RBFOX1: variants seen among roughly 807,000 people sequenced by gnomAD.
RBFOX1 encodes the protein RNA binding protein fox-1 homolog 1.
RBFOX1 carries 8 observed loss-of-function variants against 57.7 expected under a neutral mutation model. That is an observed-to-expected ratio of 0.14 (90% CI 0.08 to 0.25). The LOEUF (loss-of-function observed/expected upper bound fraction) is 0.25. Among genes scored for constraint, RBFOX1 ranks in the 10% least tolerant of loss-of-function variants. The probability of loss-of-function intolerance (pLI) is 1.00; values close to 1 mark genes in which losing one functional copy is unlikely to be tolerated. For synonymous variants in RBFOX1, 326 were observed against 222.4 expected (o/e 1.47, Z -4.15); for missense variants, 611 against 548.5 (o/e 1.11, Z -1.14).
chr16:5,666,513 T>C (rs965015902), intron 3 of RBFOX1, among the ~76,000 whole-genome samples: 1 of 152,150 alleles, frequency 6.6e-6, no homozygotes, highest in Non-Finnish European at 1.5e-5. Flanking sequence ...ACAGACCAAA[T>C]AGGTTCCTTT....
chr16:6,638,470 A>C (rs2098462007), intron 2 of RBFOX1, among the ~76,000 whole-genome samples: 1 of 152,156 alleles, frequency 6.6e-6, no homozygotes, highest in Non-Finnish European at 1.5e-5. Flanking sequence ...ACGCATTGAG[A>C]CTTACACATT....
intron 1 of RBFOX1, among the ~76,000 whole-genome samples, chr16:6,222,829 C>T (rs2097385128): frequency 1.3e-5 from 2 of 151,780 alleles, no homozygotes; most frequent in Non-Finnish European, 2.9e-5. Flanking sequence ...TTAGGTATAT[C>T]TCCTAATGCT....
chr16:5,454,905 TC>T lies in RBFOX1; in HGVS notation c.220-12310del, dbSNP rs1567535249. On this transcript the variant is annotated intron_variant, in intron 1 of 2. Transcript: ENST00000585867. ...TTCTTTCTTTCTTTCTTTCTTTCTT[TC>T]TTTCTTTCCTTTGTTTCTTTCTTCC... Among the ~76,000 whole-genome samples, 92 of 129,482 alleles carry T rather than the reference TC, an allele frequency of 7.1e-4. 4 individuals are homozygous for T. Among genetic ancestry groups the T allele is most frequent in the Non-Finnish European group, 9.6e-4 (57 of 59,314 alleles). 84.9% of individuals were successfully genotyped at this position (129,482 alleles called of 152,430 possible).
intron 4 of RBFOX1, among the ~76,000 whole-genome samples, chr16:7,414,581 AAC>A (rs977820752): frequency 6.6e-6 from 1 of 152,144 alleles, no homozygotes; most frequent in African/African-American, 2.4e-5. Flanking sequence ...CCATATCCCA[AAC>A]ACAATGTTTT....
chr16:6,996,113 C>T (rs1363091330), intron 3 of RBFOX1, among the ~76,000 whole-genome samples: 1 of 152,162 alleles, frequency 6.6e-6, no homozygotes, highest in East Asian at 1.9e-4. Flanking sequence ...GTTTTCATGT[C>T]AAGAACATTT....
chr16:7,328,392 C>G (rs2096640291), intron 4 of RBFOX1, among the ~76,000 whole-genome samples: 1 of 146,176 alleles, frequency 6.8e-6, no homozygotes, highest in Non-Finnish European at 1.5e-5. Flanking sequence ...AAGCAGAAGA[C>G]TAGCTTGAAT....
chr16:7,698,737 G>A (rs2079626623), intron 14 of RBFOX1, among the ~76,000 whole-genome samples: 1 of 152,066 alleles, frequency 6.6e-6, no homozygotes, highest in South Asian at 2.1e-4. Context: ...AGTGTGATAT[G>A]TATTATAATA....
chr16:6,421,744 A>T (rs1000132555), intron 2 of RBFOX1, among the ~76,000 whole-genome samples: 1 of 152,070 alleles, frequency 6.6e-6, no homozygotes, highest in Non-Finnish European at 1.5e-5. Context: ...TTCTCCATGT[A>T]TCTTTTCAAT....
At chr16:5,538,037 C>A (rs766038841) in intron 2 of RBFOX1, among the ~76,000 whole-genome samples, 2 of 152,108 alleles carry the variant, frequency 1.3e-5, no homozygotes, top group African/African-American at 4.8e-5. Flanking sequence ...TTCTCCAGAT[C>A]TTTGGTGACA....
chr16:7,351,850 G>T (rs527467118), intron 4 of RBFOX1, among the ~76,000 whole-genome samples: 6 of 152,132 alleles, frequency 3.9e-5, no homozygotes, highest in Non-Finnish European at 8.8e-5. Context: ...TCAGGCCCAG[G>T]CAGGAAATTT....
At chr16:5,959,630 T>G (rs1019708322) in intron 4 of RBFOX1, among the ~76,000 whole-genome samples, 1 of 152,162 alleles carries the variant, frequency 6.6e-6, no homozygotes, top group African/African-American at 2.4e-5. Context: ...TGAGTTTGGA[T>G]TGAATTTTAA....
At chr16:5,514,429 T>C (rs2151729833) in intron 2 of RBFOX1, among the ~76,000 whole-genome samples, 1 of 152,316 alleles carries the variant, frequency 6.6e-6, no homozygotes, top group Admixed American at 6.5e-5. Context: ...TCCTTTCTGC[T>C]GCCTTCTCCT....
At chr16:5,679,209 A>G (rs1485328422) in intron 3 of RBFOX1, among the ~76,000 whole-genome samples, 2 of 152,204 alleles carry the variant, frequency 1.3e-5, no homozygotes, top group African/African-American at 4.8e-5. Context: ...GCGCATCTTC[A>G]TTTAATCCAA....
intron 2 of RBFOX1, among the ~76,000 whole-genome samples, chr16:6,339,006 G>A (rs2084151721): frequency 6.6e-6 from 1 of 152,178 alleles, no homozygotes; most frequent in Non-Finnish European, 1.5e-5. Context: ...GGATCCAGTA[G>A]CCTGGGGCAG....
chr16:5,708,625 T>G (rs894423303), intron 3 of RBFOX1, among the ~76,000 whole-genome samples: 11 of 152,098 alleles, frequency 7.2e-5, no homozygotes, highest in African/African-American at 2.2e-4. Flanking sequence ...CTGGCATGGT[T>G]CATAGATTCT....
At chr16:5,273,994 G>A (rs574781974) in intron 1 of RBFOX1, among the ~76,000 whole-genome samples, 63 of 152,260 alleles carry the variant, frequency 4.1e-4, no homozygotes, top group African/African-American at 1.5e-3. Context: ...TCCTACATCC[G>A]GGTGTGCTGG....
intron 4 of RBFOX1, among the ~76,000 whole-genome samples, chr16:7,357,312 C>T (rs1482162741): frequency 6.6e-6 from 1 of 151,848 alleles, no homozygotes; most frequent in African/African-American, 2.4e-5. Context: ...TCATTATACT[C>T]CCATTTTTCA....
intron 14 of RBFOX1, among the ~76,000 whole-genome samples, chr16:7,701,466 C>G (rs140690040): frequency 9.8e-5 from 15 of 152,302 alleles, no homozygotes; most frequent in African/African-American, 3.6e-4. Context: ...TTGCACACTC[C>G]TTTTGAGAAT....
chr16:5,820,563 C>A (rs1025303826), intron 3 of RBFOX1, among the ~76,000 whole-genome samples: 4 of 152,188 alleles, frequency 2.6e-5, no homozygotes, highest in African/African-American at 4.8e-5. Flanking sequence ...TTTCTTCCCC[C>A]ACCTGCTTTT....
Sources: gnomAD v4.1 joint callset for allele counts (sites outside exome capture counted in the v4.1 genomes callset) on GRCh38, gnomAD v4.1.1 for gene constraint, MANE v1.5 for transcripts, NCBI Gene and HGNC (gene_info 2026-07-23, HGNC 2026-07-21) for gene names.